MYOT: variants seen among roughly 807,000 people sequenced by gnomAD.
The protein encoded by MYOT is myotilin.
In MYOT, 36 loss-of-function variants were observed where a neutral mutation model predicts 58.0. The ratio of observed to expected loss-of-function variants is 0.62; its 90% CI spans 0.48 to 0.82. The LOEUF (loss-of-function observed/expected upper bound fraction) is 0.82, where lower values mean the gene tolerates loss of function less well. MYOT is among the 40% of genes least tolerant of loss of function. MYOT has a pLI of 0.00. For missense variants in MYOT, 505 were observed against 592.1 expected (o/e 0.85, Z 1.53); for synonymous variants, 218 against 204.6 (o/e 1.07, Z -0.56).
intron 7 of MYOT, among the ~76,000 whole-genome samples, chr5:137,885,421 C>T (rs992341502): frequency 2.0e-5 from 3 of 152,058 alleles, no homozygotes; most frequent in Non-Finnish European, 4.4e-5. Flanking sequence ...CCCAAGCTGT[C>T]TGATACTCTT....
rs779115239 is a variant in MYOT at position 137,880,828 on chromosome 5, G to C, written c.646G>C (p.Glu216Gln). 1 of 1,612,654 alleles carries C rather than the reference G, an allele frequency of 6.2e-7. No homozygotes were observed. Residue 216 changes from glutamate to glutamine, a missense_variant, in exon 5 of 10, where the codon GAA becomes CAA. By Grantham distance (29) the Glu-to-Gln change is conservative. Transcript: ENST00000239926. ...TTTTAATTTCAAGCAACACAACTCA[G>C]AACATGCGCGACTGCAAGTTCCTAC... ...GAQDSQQHNSEHARLQVPTSQ... is the reference protein window; with the variant it reads ...GAQDSQQHNSQHARLQVPTSQ...
chr5:137,872,981 TG>T (rs1341204480), intron 2 of MYOT, among the ~76,000 whole-genome samples: 1 of 152,148 alleles, frequency 6.6e-6, no homozygotes, highest in Non-Finnish European at 1.5e-5. Flanking sequence ...AGTTTGTAAA[TG>T]GGAGCATTTA....
At chr5:137,887,039 T>A (rs372014757) in intron 9 of MYOT, 42 bp downstream of exon 9, 154 of 1,583,928 alleles carry the variant, frequency 9.7e-5, no homozygotes, top group Non-Finnish European at 1.3e-4. Context: ...GGGATTTAAC[T>A]AGGAAGATTT....
At chr5:137,875,100 T>A (rs1755168089) in intron 2 of MYOT, among the ~76,000 whole-genome samples, 1 of 152,152 alleles carries the variant, frequency 6.6e-6, no homozygotes, top group Admixed American at 6.6e-5. Flanking sequence ...ATGAACCAGC[T>A]CCAGAATACC....
intron 1 of MYOT, 113 bp from the exon 2 acceptor site, chr5:137,870,328 A>ACAC: frequency 1.0e-5 from 3 of 291,760 alleles, no homozygotes; most frequent in Non-Finnish European, 1.3e-5. Flanking sequence ...CACACACACA[A>ACAC]AAGGAAGGAA....
In MYOT at chr5:137,870,451, C is replaced by T. The variant is rs1755010357; in HGVS notation, c.-201C>T. The T allele has an allele frequency of 1.6e-6, 1 of 622,210 alleles. No individual in the cohort carries two copies. Among genetic ancestry groups the T allele is most frequent in the African/African-American group, 1.8e-5 (1 of 54,238 alleles). 38.5% of individuals were successfully genotyped at this position (622,210 alleles called of 1,614,324 possible). A position where few individuals can be genotyped will look rare whatever the true frequency, so the allele number is the denominator to read the frequency against. On this transcript the variant is annotated 5_prime_UTR_variant, in exon 2 of 10. Coordinates refer to ENST00000239926, the MANE Select transcript of MYOT (RefSeq NM_006790.3). ...TTTCTCCTTTTGAAGGAACAATATT[C>T]TTCAAGAGAAGGTCACTCTACCAAA...
intron 7 of MYOT, 169 bp downstream of exon 7, chr5:137,883,760 A>G: frequency 1.6e-6 from 1 of 621,554 alleles, no homozygotes; most frequent in Non-Finnish European, 2.8e-6. Context: ...ATATATATAT[A>G]TACACACACA....
At chr5:137,883,821 G>A (rs1189845905) in intron 7 of MYOT, among the ~76,000 whole-genome samples, 1 of 152,072 alleles carries the variant, frequency 6.6e-6, no homozygotes, top group Admixed American at 6.5e-5. Context: ...TAGAATGACA[G>A]ATCTATCACC....
rs1404629408 is a variant in MYOT, at chr5:137,883,399, G to A, written c.832G>A (p.Ala278Thr). The A allele has an allele frequency of 6.2e-7, 1 of 1,614,054 alleles. No homozygotes were observed. The highest frequency in any genetic ancestry group is 8.5e-7 in the Non-Finnish European group (1 of 1,180,004). ...RMDFKVSGLP[A>T]PDVSWYLNGR... ...TTCTTTCTAGGTGAGTGGACTGCCA[G>A]CTCCTGATGTGTCATGGTATCTAAA... The change falls in exon 7 of 10, where the codon GCT becomes ACT. Residue 278 changes from alanine to threonine, a missense_variant. Ala to Thr is a moderately conservative substitution (Grantham distance 58). Transcript: ENST00000239926.
chr5:137,887,163 A>G (rs1191670377), intron 9 of MYOT, 50 bp from the exon 10 acceptor site: 1 of 1,610,448 alleles, frequency 6.2e-7, no homozygotes, highest in Admixed American at 1.7e-5. Context: ...AGTGTGACCA[A>G]TTTGGTTAGA....
At chr5:137,875,785 C>T (rs1431439307) in intron 2 of MYOT, 44 bp from the exon 3 acceptor site, 1 of 1,601,894 alleles carries the variant, frequency 6.2e-7, no homozygotes, top group African/African-American at 1.3e-5. Context: ...CAAAATGAGG[C>T]CAAGACCTTC....
intron 7 of MYOT, among the ~76,000 whole-genome samples, 158 bp from the exon 8 acceptor site, chr5:137,885,890 A>T (rs965651040): frequency 6.6e-6 from 1 of 151,870 alleles, no homozygotes; most frequent in Non-Finnish European, 1.5e-5. Context: ...TGAATGGTAT[A>T]ACAAAATAGT....
chr5:137,882,107 T>G lies in MYOT; in HGVS notation c.816+2T>G. On this transcript the variant is annotated splice_donor_variant, in intron 6 of 9. Transcript: ENST00000239926. LOFTEE classifies it high-confidence loss of function. ...AGATTCTGCAGAATGGACTTCAAAGTAAGAGAAGGGTTCAAAAGTACTGGG... is the reference window on the plus strand; with the variant it reads ...AGATTCTGCAGAATGGACTTCAAAGGAAGAGAAGGGTTCAAAAGTACTGGG... 6.2e-7 allele frequency: 1 copy of G among 1,614,090 alleles called. No individual in the cohort carries two copies. The highest frequency in any genetic ancestry group is 1.1e-5 in the South Asian group (1 of 91,080).
At chr5:137,883,362 C>T in intron 6 of MYOT, 22 bp from the exon 7 acceptor site, 1 of 1,599,878 alleles carries the variant, frequency 6.3e-7, no homozygotes, top group Non-Finnish European at 8.6e-7. Flanking sequence ...ATTCTGCCAT[C>T]TCCTTGTGTT....
chr5:137,876,093 A>G, intron 3 of MYOT, 90 bp downstream of exon 3: 3 of 1,291,932 alleles, frequency 2.3e-6, no homozygotes, highest in Non-Finnish European at 3.3e-6. Flanking sequence ...ATCTAGGTCC[A>G]TATATCAACA....
chr5:137,872,356 A>G (rs533569580), intron 2 of MYOT, among the ~76,000 whole-genome samples: 19 of 152,272 alleles, frequency 1.2e-4, no homozygotes, highest in South Asian at 6.2e-4. Flanking sequence ...CATATTTCCT[A>G]TATTAGCATT....
rs1283971697 is a variant in MYOT, at chr5:137,870,792, T to C, written c.141T>C (p.Cys47=). 5.0e-6 allele frequency: 8 copies of C among 1,614,154 alleles called. No individual in the cohort carries two copies. The highest frequency in any genetic ancestry group is 5.9e-6 in the Non-Finnish European group (7 of 1,180,026). The stretch of plus-strand genomic sequence containing the variant: ...CCATTATCATCCAGCCCCGCCAGTG[T>C]ACAGAGCAAAGATTTTCTGCCTCCT... ...QSSIIIQPRQ[C]TEQRFSASST... The change falls in exon 2 of 10, where the codon TGT becomes TGC. Residue 47 remains cysteine (C), a synonymous_variant. Coordinates refer to ENST00000239926, the MANE Select transcript of MYOT (RefSeq NM_006790.3).
Position 137,875,891 on chromosome 5 carries a change from AG to A in MYOT, c.420del (p.Lys140AsnfsTer18). ...AAGCCATCCCAAACTGCAAATGCTA[AG>A]CCCATACCAAGAACTCCTGATCATG... ...NAKPSQTANA[K>X]PIPRTPDHEI... On this transcript the variant is annotated frameshift_variant, in exon 3 of 10. Transcript: ENST00000239926. LOFTEE classifies it high-confidence loss of function. The A allele has an allele frequency of 6.2e-7, 1 of 1,614,130 alleles. No individual in the cohort carries two copies. Among genetic ancestry groups the A allele is most frequent in the Non-Finnish European group, 8.5e-7 (1 of 1,179,988 alleles).
intron 4 of MYOT, among the ~76,000 whole-genome samples, chr5:137,878,620 C>T (rs563149507): frequency 2.6e-5 from 4 of 151,984 alleles, no homozygotes; most frequent in East Asian, 2.0e-4. Context: ...GTCAAGAGAT[C>T]GAGGGGATGC....
Sources: allele counts gnomAD v4.1 joint callset (sites outside exome capture counted in the v4.1 genomes callset), GRCh38; gene constraint gnomAD v4.1.1; transcripts MANE v1.5; gene names NCBI Gene and HGNC (gene_info 2026-07-23, HGNC 2026-07-21).